Variants in LRRC14B observed in about 807,000 individuals in gnomAD.
The protein encoded by LRRC14B is leucine-rich repeat-containing protein 14B.
In LRRC14B, 23 loss-of-function variants were observed where a neutral mutation model predicts 16.9. That is an observed-to-expected ratio of 1.36 (90% CI 0.98 to 1.92). The LOEUF is 1.92. Among genes scored for constraint, LRRC14B ranks in the 30% most tolerant of loss-of-function variants. The probability of loss-of-function intolerance (pLI) is 0.00; values close to 1 mark genes in which losing one functional copy is unlikely to be tolerated. For synonymous variants in LRRC14B, 358 were observed against 332.5 expected (o/e 1.08, Z -0.83); for missense variants, 766 against 705.7 (o/e 1.09, Z -0.97).
Position 195,827 on chromosome 5 carries a change from A to C in LRRC14B, c.*474A>C. ...CAGCCCATGAAAAACAACCGAGAAA[A>C]AGAGGCGAAAAATGAACAGCAAACC... On this transcript the variant is annotated 3_prime_UTR_variant, in exon 2 of 2. Coordinates refer to ENST00000328278, the MANE Select transcript of LRRC14B (RefSeq NM_001080478.3). 1 of 161,484 alleles carries C rather than the reference A, an allele frequency of 6.2e-6. No homozygotes were observed. The highest frequency in any genetic ancestry group is 1.4e-5 in the Non-Finnish European group (1 of 73,658). 10.0% of individuals were successfully genotyped at this position (161,484 alleles called of 1,614,324 possible). A position where few individuals can be genotyped will look rare whatever the true frequency, so the allele number is the denominator to read the frequency against.
In LRRC14B at chr5:196,143, G is replaced by A. The variant is rs13083; in HGVS notation, c.*790G>A. 0.44 allele frequency: 66,264 copies of A among 152,038 alleles called. 15,954 individuals are homozygous for A. Among genetic ancestry groups the A allele is most frequent in the Non-Finnish European group, 0.55 (37,541 of 67,994 alleles). The allele number at this position is 152,038 out of a possible 1,614,324, so 9.4% of individuals were successfully genotyped here. A position where few individuals can be genotyped will look rare whatever the true frequency, so the allele number is the denominator to read the frequency against. On this transcript the variant is annotated 3_prime_UTR_variant, in exon 2 of 2. Transcript: ENST00000328278. The stretch of plus-strand genomic sequence containing the variant: ...TCACCAACATTCACTGTGTCCTGCG[G>A]GGCTTGAGGCTTAGACTGACGGGAG...
At position 191,843 on chromosome 5, in the gene LRRC14B, G is replaced by A. The variant is rs1225705221; in HGVS notation, c.305G>A (p.Arg102Gln). The A allele has an allele frequency of 3.9e-6, 6 of 1,526,108 alleles. No homozygotes were observed. Among genetic ancestry groups the A allele is most frequent in the South Asian group, 2.4e-5 (2 of 82,854 alleles). 94.5% of individuals were successfully genotyped at this position (1,526,108 alleles called of 1,614,324 possible). ...RGLADHVLQDRSRRRLRVADL... is the reference protein window; with the variant it reads ...RGLADHVLQDQSRRRLRVADL... ...CTCGCGGACCACGTGCTGCAGGACCGGAGCCGCCGGCGGCTGCGGGTGGCT... is the reference window on the plus strand; with the variant it reads ...CTCGCGGACCACGTGCTGCAGGACCAGAGCCGCCGGCGGCTGCGGGTGGCT... The change falls in exon 1 of 2, where the codon CGG (arginine) becomes CAG (glutamine). Residue 102 changes from arginine (R) to glutamine (Q), a missense_variant. Arg to Gln is a conservative substitution (Grantham distance 43). Coordinates refer to ENST00000328278, the MANE Select transcript of LRRC14B (RefSeq NM_001080478.3).
chr5:194,729 A>C lies in LRRC14B; in HGVS notation c.921A>C (p.Arg307=), dbSNP rs1250397436. Residue 307 remains arginine (R), a synonymous_variant, in exon 2 of 2, where the codon CGA becomes CGC. Transcript: ENST00000328278. ...GCAGCCCCCTACAGACCCCGCTGCG[A>C]GTACTGGACCTGGCCAACTGTGCCC... ...TLLGPLQTPL[R]VLDLANCALN... is the part of the protein sequence containing the mutation. 1.2e-6 allele frequency: 2 copies of C among 1,611,548 alleles called. No homozygotes were observed. The highest frequency in any genetic ancestry group is 1.7e-4 in the Middle Eastern group (1 of 6,054).
rs1046663487 is a variant in LRRC14B at position 191,808 on chromosome 5, G to C, written c.270G>C (p.Leu90=). 3.3e-5 allele frequency: 51 copies of C among 1,532,696 alleles called. No homozygotes were observed. In the East Asian group the frequency reaches 1.3e-3, roughly 38 times the overall value. 94.9% of individuals were successfully genotyped at this position (1,532,696 alleles called of 1,614,324 possible). The change falls in exon 1 of 2, where the codon CTG becomes CTC. Residue 90 remains leucine (L), a synonymous_variant. Coordinates refer to ENST00000328278, the MANE Select transcript of LRRC14B (RefSeq NM_001080478.3). ...CCTGCAGGGCCTGCCTGGAGGCGCT[G>C]GTGCGCGGCCTCGCGGACCACGTGC... ...DRTCRACLEA[L]VRGLADHVLQ... is the part of the protein sequence containing the mutation.
intron 1 of LRRC14B, 44 bp downstream of exon 1, chr5:192,481 A>G: frequency 1.4e-6 from 2 of 1,454,418 alleles, no homozygotes; most frequent in South Asian, 3.0e-5. Context: ...GTGGCTGCAG[A>G]GGCAAGGAGA....
chr5:194,579 T>C, intron 1 of LRRC14B, 129 bp from the exon 2 acceptor site: 1 of 783,318 alleles, frequency 1.3e-6, no homozygotes, highest in South Asian at 1.9e-5. Context: ...TGTATGAAAT[T>C]AGGCGGTGGT....
rs1345976253 is a variant in LRRC14B at position 191,622 on chromosome 5, C to T, written c.84C>T (p.Ser28=). The change falls in exon 1 of 2, where the codon AGC becomes AGT. Residue 28 remains serine (S), a synonymous_variant. Transcript: ENST00000328278. ...HPQVARQSLD[S]VAHNLYPLLF... ...AGGTGGCCCGGCAGAGCCTGGACAG[C>T]GTGGCCCACAACCTCTACCCACTCC... The T allele has an allele frequency of 4.3e-6, 7 of 1,611,068 alleles. No individual in the cohort carries two copies. In the South Asian group the frequency reaches 5.5e-5, roughly 13 times the overall value.
intron 1 of LRRC14B, 73 bp from the exon 2 acceptor site, chr5:194,634 TC>T: frequency 7.1e-7 from 1 of 1,407,088 alleles, no homozygotes; most frequent in Non-Finnish European, 9.6e-7. Flanking sequence ...AATGGGTTGT[TC>T]CCATTCGCCT....
chr5:192,826 G>A lies in LRRC14B; in HGVS notation c.899+389G>A, dbSNP rs976119637. Among the ~76,000 whole-genome samples, 8 of 152,174 alleles carry A rather than the reference G, an allele frequency of 5.3e-5. No individual in the cohort carries two copies. In the East Asian group the frequency reaches 1.2e-3, roughly 22 times the overall value. ...TTCAGCTCAGAAATCTGAGCCTGTC[G>A]GTGCCTTTGGCTCAGGGCTGCTGTT... On this transcript the variant is annotated intron_variant, in intron 1 of 1. Coordinates refer to ENST00000328278, the MANE Select transcript of LRRC14B (RefSeq NM_001080478.3).
intron 1 of LRRC14B, among the ~76,000 whole-genome samples, 168 bp from the exon 2 acceptor site, chr5:194,534 TATATAA>T (rs1189455221): frequency 2.0e-5 from 3 of 152,238 alleles, no homozygotes; most frequent in Non-Finnish European, 2.9e-5. Context: ...CACAAACTAT[TATATAA>T]ATATAACAAC....
intron 1 of LRRC14B, among the ~76,000 whole-genome samples, 176 bp from the exon 2 acceptor site, chr5:194,532 A>G (rs1456461975): frequency 6.6e-6 from 1 of 152,224 alleles, no homozygotes; most frequent in Non-Finnish European, 1.5e-5. Flanking sequence ...TTCACAAACT[A>G]TTATATAAAT....
chr5:195,472 A>T lies in LRRC14B; in HGVS notation c.*119A>T. On this transcript the variant is annotated 3_prime_UTR_variant, in exon 2 of 2. Coordinates refer to ENST00000328278, the MANE Select transcript of LRRC14B (RefSeq NM_001080478.3). ...CCCCACCACCACCACCACCAAAAGC[A>T]GTTCTTAGTGAAAATTGTAGGCGAG... The T allele has an allele frequency of 1.0e-6, 1 of 970,650 alleles. No individual in the cohort carries two copies. Among genetic ancestry groups the T allele is most frequent in the Non-Finnish European group, 1.5e-6 (1 of 666,860 alleles). The allele number at this position is 970,650 out of a possible 1,614,324, so 60.1% of individuals were successfully genotyped here.
chr5:194,642 G>A lies in LRRC14B; in HGVS notation c.900-66G>A, dbSNP rs993128177. On this transcript the variant is annotated intron_variant, in intron 1 of 1. Transcript: ENST00000328278. ...ATGGACAAATGGGTTGTTCCCATTCGCCTGAGCCCTCGGCTCCTTCCTGGG... is the reference window on the plus strand; with the variant it reads ...ATGGACAAATGGGTTGTTCCCATTCACCTGAGCCCTCGGCTCCTTCCTGGG... 2.5e-5 allele frequency: 37 copies of A among 1,470,172 alleles called. No individual in the cohort carries two copies. In the African/African-American group the frequency reaches 2.8e-4, roughly 11 times the overall value. 91.1% of individuals were successfully genotyped at this position (1,470,172 alleles called of 1,614,324 possible).
At position 191,690 on chromosome 5, in the gene LRRC14B, G is replaced by A. The variant is rs754329344; in HGVS notation, c.152G>A (p.Arg51His). The A allele has an allele frequency of 1.0e-4, 162 of 1,598,320 alleles. 1 individual carries two copies. The South Asian group carries it at 1.7e-3, about 17-fold the overall frequency. ...CTGCTGGAGCAGGCGGAGGTGACGC[G>A]CGCGGTGCTGGGGCGCTGGCCCCTG... ...SYLLEQAEVT[R>H]AVLGRWPLEE... is the part of the protein sequence containing the mutation. The change falls in exon 1 of 2, where the codon CGC becomes CAC. Residue 51 changes from arginine to histidine, a missense_variant. By Grantham distance (29) the Arg-to-His change is conservative. Coordinates refer to ENST00000328278, the MANE Select transcript of LRRC14B (RefSeq NM_001080478.3).
In LRRC14B at chr5:194,720, C is replaced by G. The variant is rs746915050; in HGVS notation, c.912C>G (p.Thr304=). Residue 304 remains threonine, a synonymous_variant, in exon 2 of 2, where the codon ACC becomes ACG. Transcript: ENST00000328278. ...KIPTLLGPLQ[T]PLRVLDLANC... is the part of the protein sequence containing the mutation. The stretch of plus-strand genomic sequence containing the variant: ...CCGTGTCCTGCAGCCCCCTACAGAC[C>G]CCGCTGCGAGTACTGGACCTGGCCA... 17 of 1,608,342 alleles carry G rather than the reference C, an allele frequency of 1.1e-5. No individual in the cohort carries two copies. The highest frequency in any genetic ancestry group is 1.3e-5 in the African/African-American group (1 of 74,872).
chr5:193,397 G>A (rs1348104261), intron 1 of LRRC14B, among the ~76,000 whole-genome samples: 2 of 145,642 alleles, frequency 1.4e-5, no homozygotes, highest in African/African-American at 2.6e-5. Flanking sequence ...GTCCTCAGGT[G>A]CTGGGGGGTG....
rs1733881315 is a variant in LRRC14B, at chr5:194,864, C to T, written c.1056C>T (p.Phe352=). The T allele has an allele frequency of 1.3e-6, 2 of 1,593,468 alleles. No homozygotes were observed. Among genetic ancestry groups the T allele is most frequent in the Admixed American group, 1.8e-5 (1 of 56,022 alleles). ...NLVSLYPSTF[F]RLLSQASRTL... ...TCAGCCTGTACCCCTCGACCTTCTT[C>T]AGGCTGCTCAGCCAGGCTTCCCGGA... Residue 352 remains phenylalanine (F), a synonymous_variant, in exon 2 of 2, where the codon TTC becomes TTT. Transcript: ENST00000328278.
At position 194,926 on chromosome 5, in the gene LRRC14B, T is replaced by G. The variant is rs1733882939; in HGVS notation, c.1118T>G (p.Val373Gly). ...RILTLEECGIVDSHVGMLILG... is the reference protein window; with the variant it reads ...RILTLEECGIGDSHVGMLILG... ...CTGACACTGGAGGAGTGTGGCATCG[T>G]AGACAGCCACGTTGGCATGCTGATC... The change falls in exon 2 of 2, where the codon GTA becomes GGA. Residue 373 changes from valine to glycine, a missense_variant. Physicochemically the swap from Val to Gly is moderately radical, Grantham distance 109. Transcript: ENST00000328278. 6.2e-7 allele frequency: 1 copy of G among 1,611,838 alleles called. No individual in the cohort carries two copies. The highest frequency in any genetic ancestry group is 1.3e-5 in the African/African-American group (1 of 74,918).
rs1198365924 is a variant in LRRC14B at position 192,315 on chromosome 5, C to T, written c.777C>T (p.Ser259=). 1 of 1,600,008 alleles carries T rather than the reference C, an allele frequency of 6.2e-7. No individual in the cohort carries two copies. Among genetic ancestry groups the T allele is most frequent in the East Asian group, 2.3e-5 (1 of 43,746 alleles). The change falls in exon 1 of 2, where the codon TCC becomes TCT. Residue 259 remains serine, a synonymous_variant. Coordinates refer to ENST00000328278, the MANE Select transcript of LRRC14B (RefSeq NM_001080478.3). Reference sequence around the variant, plus strand: ...TTGATGCACCCCCCACCTACGCCTCCACTCCCGACGGCGAGGACCCCCTCC... The same window carrying T: ...TTGATGCACCCCCCACCTACGCCTCTACTCCCGACGGCGAGGACCCCCTCC... ...KAFDAPPTYA[S]TPDGEDPLLA...
Sources: allele counts gnomAD v4.1 joint callset (sites outside exome capture counted in the v4.1 genomes callset), GRCh38; gene constraint gnomAD v4.1.1; transcripts MANE v1.5; gene names NCBI Gene and HGNC (gene_info 2026-07-23, HGNC 2026-07-21).